Variants in PITPNC1 observed in about 807,000 individuals in gnomAD.
PITPNC1 encodes phosphatidylinositol transfer protein cytoplasmic 1.
In PITPNC1, 18 loss-of-function variants were observed where a neutral mutation model predicts 44.7. That is an observed-to-expected ratio of 0.40 (90% CI 0.28 to 0.60). The LOEUF is 0.60. PITPNC1 is among the 20% of genes least tolerant of loss of function. PITPNC1 has a pLI of 0.39. For missense variants in PITPNC1, 290 were observed against 418.4 expected, an observed-to-expected ratio of 0.69 and a Z score of 2.68; for synonymous variants, 141 against 149.6, an observed-to-expected ratio of 0.94 and a Z score of 0.42.
chr17:67,478,274 C>CA (rs1297695558), intron 1 of PITPNC1, among the ~76,000 whole-genome samples: 1 of 152,216 alleles, frequency 6.6e-6, no homozygotes, highest in African/African-American at 2.4e-5. Context: ...TCTTCACCAG[C>CA]AAAGGCTGTC....
chr17:67,422,637 T>A (rs2038686902), intron 1 of PITPNC1, among the ~76,000 whole-genome samples: 1 of 150,820 alleles, frequency 6.6e-6, no homozygotes, highest in Admixed American at 6.6e-5. Context: ...AACCTCTACC[T>A]CCCAGGTTCA....
intron 1 of PITPNC1, among the ~76,000 whole-genome samples, chr17:67,409,484 C>T (rs2038459403): frequency 6.6e-6 from 1 of 152,080 alleles, no homozygotes; most frequent in African/African-American, 2.4e-5. Flanking sequence ...TTCTTTTTCA[C>T]TCAACATTTT....
intron 6 of PITPNC1, among the ~76,000 whole-genome samples, chr17:67,669,263 T>C (rs2042473106): frequency 1.3e-5 from 2 of 151,970 alleles, no homozygotes; most frequent in South Asian, 4.1e-4. Flanking sequence ...GTAGGTGGGA[T>C]TACCACCATG....
At chr17:67,655,346 C>A (rs1031953507) in intron 6 of PITPNC1, among the ~76,000 whole-genome samples, 1 of 151,714 alleles carries the variant, frequency 6.6e-6, no homozygotes, top group African/African-American at 2.4e-5. Context: ...ATCACGAGGT[C>A]AGGAGATCAA....
intron 1 of PITPNC1, among the ~76,000 whole-genome samples, chr17:67,441,559 T>C (rs186914816): frequency 7.9e-5 from 12 of 152,310 alleles, no homozygotes; most frequent in Admixed American, 3.9e-4. Flanking sequence ...TTCTCTCCGA[T>C]TGTAAAAGGC....
chr17:67,642,156 G>T (rs2642065), intron 6 of PITPNC1, among the ~76,000 whole-genome samples: 52,691 of 152,010 alleles, frequency 0.35, 11,730 homozygotes, highest in African/African-American at 0.63. Context: ...CTCAGTGCAT[G>T]GTCAAGGGTC....
chr17:67,551,595 T>A (rs1025977886), intron 2 of PITPNC1, among the ~76,000 whole-genome samples: 1 of 152,228 alleles, frequency 6.6e-6, no homozygotes, highest in Non-Finnish European at 1.5e-5. Flanking sequence ...TACCAGTCAT[T>A]GGAGTTAGGG....
chr17:67,408,215 A>AAGT (rs1399004468), intron 1 of PITPNC1, among the ~76,000 whole-genome samples: 2 of 152,060 alleles, frequency 1.3e-5, no homozygotes, highest in Non-Finnish European at 2.9e-5. Flanking sequence ...CAGCCTCCCA[A>AAGT]AGTACTAGGA....
At chr17:67,420,320 C>T (rs2038652289) in intron 1 of PITPNC1, among the ~76,000 whole-genome samples, 1 of 152,108 alleles carries the variant, frequency 6.6e-6, no homozygotes, top group Non-Finnish European at 1.5e-5. Flanking sequence ...TGGGGGTGTA[C>T]AGAAATTAGC....
chr17:67,653,483 C>T (rs975958564), intron 6 of PITPNC1, among the ~76,000 whole-genome samples: 3 of 152,134 alleles, frequency 2.0e-5, no homozygotes, highest in Non-Finnish European at 4.4e-5. Flanking sequence ...CTTCTAGCCT[C>T]CAGTACTGTG....
intron 1 of PITPNC1, among the ~76,000 whole-genome samples, chr17:67,454,742 T>C (rs2039230933): frequency 1.3e-5 from 2 of 152,110 alleles, no homozygotes; most frequent in Non-Finnish European, 2.9e-5. Flanking sequence ...CCAGAGACGT[T>C]TCATGAGTAG....
chr17:67,570,851 C>T (rs1277814169), intron 4 of PITPNC1, among the ~76,000 whole-genome samples: 1 of 151,602 alleles, frequency 6.6e-6, no homozygotes, highest in Non-Finnish European at 1.5e-5. Context: ...TGCATCTGGA[C>T]ACCAGATAAT....
chr17:67,414,376 G>A (rs1163599275), intron 1 of PITPNC1, among the ~76,000 whole-genome samples: 1 of 152,086 alleles, frequency 6.6e-6, no homozygotes, highest in Admixed American at 6.6e-5. Context: ...AAAAGGAAAT[G>A]AACTATTTAT....
chr17:67,657,943 G>A (rs1379894805), intron 6 of PITPNC1, among the ~76,000 whole-genome samples: 1 of 152,232 alleles, frequency 6.6e-6, no homozygotes, highest in Non-Finnish European at 1.5e-5. Flanking sequence ...AATCTGAAAT[G>A]TACATGAAGA....
intron 5 of PITPNC1, among the ~76,000 whole-genome samples, chr17:67,622,611 G>A (rs2041848152): frequency 6.6e-6 from 1 of 151,140 alleles, no homozygotes; most frequent in African/African-American, 2.4e-5. Context: ...CCATGAACTG[G>A]CCAGGTGTGG....
chr17:67,383,845 C>G (rs748048986), intron 1 of PITPNC1, among the ~76,000 whole-genome samples: 2 of 151,772 alleles, frequency 1.3e-5, no homozygotes, highest in African/African-American at 2.4e-5. Context: ...TTGAGACCAG[C>G]CTGACTAACA....
chr17:67,446,132 A>G (rs1330673191), intron 1 of PITPNC1, among the ~76,000 whole-genome samples: 1 of 151,792 alleles, frequency 6.6e-6, no homozygotes, highest in Non-Finnish European at 1.5e-5. Flanking sequence ...TTTTTGGTAC[A>G]GACGGGGTTT....
At chr17:67,647,591 G>A (rs78538291) in intron 6 of PITPNC1, among the ~76,000 whole-genome samples, 4,611 of 147,188 alleles carry the variant, frequency 0.031, 107 homozygotes, top group Middle Eastern at 0.084. Context: ...GATGACAGGT[G>A]TGAGCCACCA....
chr17:67,596,076 A>C (rs948568425), intron 5 of PITPNC1, among the ~76,000 whole-genome samples: 13 of 152,250 alleles, frequency 8.5e-5, no homozygotes, highest in African/African-American at 3.1e-4. Context: ...TCAGAAATCT[A>C]TCATGAGATT....
Sources: allele counts gnomAD v4.1 joint callset (sites outside exome capture counted in the v4.1 genomes callset), GRCh38; gene constraint gnomAD v4.1.1; transcripts MANE v1.5; gene names NCBI Gene and HGNC (gene_info 2026-07-23, HGNC 2026-07-21).